Variants in ARF3 observed in about 807,000 individuals in gnomAD.
ARF3 encodes ARF GTPase 3.
Under a neutral mutation model 19.3 loss-of-function variants are expected in ARF3, and 5 were observed. That is an observed-to-expected ratio of 0.26 (90% CI 0.14 to 0.54). The LOEUF (loss-of-function observed/expected upper bound fraction) is 0.54. ARF3 is among the 20% of genes least tolerant of loss of function. ARF3 has a pLI of 0.95. For missense variants in ARF3, 77 were observed against 234.2 expected, an observed-to-expected ratio of 0.33 and a Z score of 4.38; for synonymous variants, 71 against 89.2, an observed-to-expected ratio of 0.80 and a Z score of 1.15.
intron 2 of ARF3, 105 bp from the exon 3 acceptor site, chr12:48,940,212 CCAA>C: frequency 1.1e-6 from 1 of 910,390 alleles, no homozygotes; most frequent in South Asian, 1.4e-5. Flanking sequence ...GGCCATAACA[CCAA>C]CAATGGAACA....
chr12:48,942,437 A>G (rs1028186505), intron 1 of ARF3, among the ~76,000 whole-genome samples: 2 of 151,746 alleles, frequency 1.3e-5, no homozygotes, highest in Non-Finnish European at 2.9e-5. Context: ...CCAGATAACC[A>G]TCATAGATTA....
chr12:48,956,917 G>A (rs1940580434), intron 1 of ARF3: 1 of 152,306 alleles, frequency 6.6e-6, no homozygotes, highest in African/African-American at 2.4e-5. Flanking sequence ...AGAGGGAGTA[G>A]AAGAAAGCAG....
chr12:48,942,782 G>C lies in ARF3; in HGVS notation c.-93-1594C>G, dbSNP rs542562144. On this transcript the variant is annotated intron_variant, in intron 1 of 4. Coordinates refer to ENST00000256682, the MANE Select transcript of ARF3 (RefSeq NM_001659.3). ...TACTGAAAGCTCACTCAGACTGGAT[G>C]CTATGCCTGGCATATGGTAGGCACA... Among the ~76,000 whole-genome samples the C allele has an allele frequency of 3.3e-5, 5 of 152,286 alleles. No individual in the cohort carries two copies. The East Asian group carries it at 9.7e-4, about 29-fold the overall frequency.
Position 48,938,573 on chromosome 12 carries a change from C to T in ARF3, c.*374G>A. 2.2e-6 allele frequency: 1 copy of T among 460,402 alleles called. No individual in the cohort carries two copies. The highest frequency in any genetic ancestry group is 4.3e-6 in the Non-Finnish European group (1 of 229,986). 28.5% of individuals were successfully genotyped at this position (460,402 alleles called of 1,614,324 possible). On this transcript the variant is annotated 3_prime_UTR_variant, in exon 5 of 5. Transcript: ENST00000256682. The stretch of plus-strand genomic sequence containing the variant: ...GAAAGGCAAACAGGGAGTAGAAGGG[C>T]TTGTGGGGACAGGGAAAGGACTCAG...
chr12:48,950,060 G>C (rs1248094179), intron 1 of ARF3, among the ~76,000 whole-genome samples: 3 of 152,154 alleles, frequency 2.0e-5, no homozygotes, highest in Admixed American at 6.6e-5. Flanking sequence ...TTCTTTTTTA[G>C]AGATGGGGTC....
rs1339498630 is a variant in ARF3 at position 48,939,634 on chromosome 12, AG to A, written c.384+20del. On this transcript the variant is annotated intron_variant, in intron 4 of 4. Coordinates refer to ENST00000256682, the MANE Select transcript of ARF3 (RefSeq NM_001659.3). This position sits in a 1 kb window ranked among gnomAD's most constrained non-coding sequence, Gnocchi z 4.8. ...AGCCAGTTTGCTGTCTCCCAAATTC[AG>A]GGGTGGGAAGAAGTCTCACCTGTTT... is the stretch of plus-strand genomic sequence containing the variant. 1 of 1,613,866 alleles carries A rather than the reference AG, an allele frequency of 6.2e-7. No individual in the cohort carries two copies. Among genetic ancestry groups the A allele is most frequent in the Non-Finnish European group, 8.5e-7 (1 of 1,179,866 alleles).
intron 1 of ARF3, among the ~76,000 whole-genome samples, chr12:48,942,828 C>T (rs1040748544): frequency 7.2e-5 from 11 of 152,174 alleles, no homozygotes; most frequent in South Asian, 2.1e-4. Context: ...CTGCTGAGGC[C>T]GAGCGCAGTG....
chr12:48,940,257 T>C (rs1940229946), intron 2 of ARF3, 150 bp from the exon 3 acceptor site: 1 of 679,396 alleles, frequency 1.5e-6, no homozygotes. Flanking sequence ...CTGATAATCG[T>C]TAAGCTAGCA....
intron 1 of ARF3, among the ~76,000 whole-genome samples, chr12:48,954,206 T>G (rs942485571): frequency 2.6e-5 from 4 of 152,206 alleles, no homozygotes; most frequent in Non-Finnish European, 5.9e-5. Flanking sequence ...GCCCCTGCCT[T>G]GCTCCAGCTT....
intron 1 of ARF3, among the ~76,000 whole-genome samples, chr12:48,946,613 T>C (rs945045659): frequency 2.0e-5 from 3 of 152,212 alleles, no homozygotes; most frequent in African/African-American, 7.2e-5. Context: ...AAATATGTGC[T>C]CTAGTACAAT....
intron 1 of ARF3, among the ~76,000 whole-genome samples, chr12:48,952,305 T>C (rs1392279099): frequency 6.6e-6 from 1 of 152,204 alleles, no homozygotes; most frequent in Non-Finnish European, 1.5e-5. Context: ...AGACAACCCT[T>C]AGCAAGTGAG....
At chr12:48,942,736 C>T (rs1940283844) in intron 1 of ARF3, among the ~76,000 whole-genome samples, 1 of 152,200 alleles carries the variant, frequency 6.6e-6, no homozygotes, top group Admixed American at 6.6e-5. Flanking sequence ...CTGAACTAAT[C>T]CCCAGGGTCT....
At position 48,939,907 on chromosome 12, in the gene ARF3, C is replaced by G. The variant is rs1940221278; in HGVS notation, c.259+90G>C. Reference sequence around the variant, plus strand: ...CCTCCCTTTCTTCTGCCCCCAGGAGCTGCAGCAGGGTAACAGTTGGCCACC... The same window carrying G: ...CCTCCCTTTCTTCTGCCCCCAGGAGGTGCAGCAGGGTAACAGTTGGCCACC... On this transcript the variant is annotated intron_variant, in intron 3 of 4. Transcript: ENST00000256682. The surrounding 1 kb of genome is among the most constrained non-coding windows in gnomAD (Gnocchi z 4.8). 6.3e-7 allele frequency: 1 copy of G among 1,588,718 alleles called. No individual in the cohort carries two copies. The highest frequency in any genetic ancestry group is 8.6e-7 in the Non-Finnish European group (1 of 1,157,936).
chr12:48,938,512 G>A lies in ARF3; in HGVS notation c.*435C>T. On this transcript the variant is annotated 3_prime_UTR_variant, in exon 5 of 5. Coordinates refer to ENST00000256682, the MANE Select transcript of ARF3 (RefSeq NM_001659.3). The stretch of plus-strand genomic sequence containing the variant: ...TGCACGCAAACACAGAGAGGCCCGT[G>A]CAATTTCCATGTAAAACAGGGAGAG... The A allele has an allele frequency of 2.2e-6, 1 of 452,346 alleles. No individual in the cohort carries two copies. The highest frequency in any genetic ancestry group is 4.5e-6 in the Non-Finnish European group (1 of 224,376). The allele number at this position is 452,346 out of a possible 1,614,324, so 28.0% of individuals were successfully genotyped here. A position where few individuals can be genotyped will look rare whatever the true frequency, so the allele number is the denominator to read the frequency against.
At chr12:48,945,847 C>T (rs1940349309) in intron 1 of ARF3, among the ~76,000 whole-genome samples, 1 of 152,176 alleles carries the variant, frequency 6.6e-6, no homozygotes, top group Non-Finnish European at 1.5e-5. Flanking sequence ...CTCTGTCACC[C>T]AGGCTGGAGT....
chr12:48,940,566 T>C (rs566335119), intron 2 of ARF3, among the ~76,000 whole-genome samples: 1 of 152,308 alleles, frequency 6.6e-6, no homozygotes, highest in East Asian at 1.9e-4. Flanking sequence ...ACATAGCAAA[T>C]GTAGGGAGAC....
At chr12:48,944,278 A>G (rs939302415) in intron 1 of ARF3, among the ~76,000 whole-genome samples, 3 of 152,364 alleles carry the variant, frequency 2.0e-5, no homozygotes, top group East Asian at 1.9e-4. Flanking sequence ...TGAAAAAGAT[A>G]TAACTAGCCA....
rs41291979 is a variant in ARF3, at chr12:48,939,883, C to T, written c.260-104G>A. On this transcript the variant is annotated intron_variant, in intron 3 of 4. Transcript: ENST00000256682. This position sits in a 1 kb window ranked among gnomAD's most constrained non-coding sequence, Gnocchi z 4.8. ...ACCCTCCAAATATTTGCTCCCTTTC[C>T]TCCCTTTCTTCTGCCCCCAGGAGCT... is the stretch of plus-strand genomic sequence containing the variant. 5.0e-6 allele frequency: 8 copies of T among 1,596,758 alleles called. No individual in the cohort carries two copies. In the African/African-American group the frequency reaches 6.7e-5, roughly 13 times the overall value.
chr12:48,939,196 G>C lies in ARF3; in HGVS notation c.385-88C>G. 1 of 1,405,480 alleles carries C rather than the reference G, an allele frequency of 7.1e-7. No individual in the cohort carries two copies. Among genetic ancestry groups the C allele is most frequent in the Non-Finnish European group, 9.7e-7 (1 of 1,034,558 alleles). 87.1% of individuals were successfully genotyped at this position (1,405,480 alleles called of 1,614,324 possible). On this transcript the variant is annotated intron_variant, in intron 4 of 4. Coordinates refer to ENST00000256682, the MANE Select transcript of ARF3 (RefSeq NM_001659.3). The surrounding 1 kb of genome is among the most constrained non-coding windows in gnomAD (Gnocchi z 4.8). ...CCATCTACCAAAGAAATGTGTACCA[G>C]CACCTTCCCCTCCTCCTTTATTTTA...
Sources: gnomAD v4.1 joint callset for allele counts (sites outside exome capture counted in the v4.1 genomes callset) on GRCh38, gnomAD v4.1.1 for gene constraint, Gnocchi (gnomAD v3.1) non-coding constraint, MANE v1.5 for transcripts, NCBI Gene and HGNC (gene_info 2026-07-23, HGNC 2026-07-21) for gene names.